MEMO1: variants seen among roughly 807,000 people sequenced by gnomAD.
MEMO1 encodes the protein protein MEMO1.
MEMO1 carries 6 observed loss-of-function variants against 45.2 expected under a neutral mutation model. The ratio of observed to expected loss-of-function variants is 0.13; its 90% CI spans 0.07 to 0.26. The LOEUF is 0.26. Among genes scored for constraint, MEMO1 ranks in the 10% least tolerant of loss-of-function variants. MEMO1 has a pLI of 1.00. For missense variants in MEMO1, 184 were observed against 370.5 expected, an observed-to-expected ratio of 0.50 and a Z score of 4.13; for synonymous variants, 78 against 124.3, an observed-to-expected ratio of 0.63 and a Z score of 2.48.
intron 6 of MEMO1, among the ~76,000 whole-genome samples, chr2:31,908,174 G>A (rs746726287): frequency 6.6e-6 from 1 of 152,150 alleles, no homozygotes; most frequent in Non-Finnish European, 1.5e-5. Flanking sequence ...ATTTGTAAAT[G>A]TCTACCTTTT....
chr2:31,877,942 A>G (rs1674793300), intron 8 of MEMO1, among the ~76,000 whole-genome samples: 1 of 152,196 alleles, frequency 6.6e-6, no homozygotes, highest in African/African-American at 2.4e-5. Flanking sequence ...TATTCTAATC[A>G]CTATTCTAGG....
chr2:31,912,231 G>A (rs901617654), intron 6 of MEMO1, among the ~76,000 whole-genome samples: 13 of 152,136 alleles, frequency 8.5e-5, no homozygotes, highest in African/African-American at 2.9e-4. Flanking sequence ...AGCTACTTGG[G>A]AGGCTGAGGC....
intron 2 of MEMO1, among the ~76,000 whole-genome samples, chr2:31,981,422 C>G (rs1049743693): frequency 9.9e-5 from 15 of 152,200 alleles, no homozygotes; most frequent in African/African-American, 3.6e-4. Context: ...AAAACCTAAA[C>G]AATATATTAT....
At chr2:31,944,445 T>A (rs1665966540) in intron 2 of MEMO1, among the ~76,000 whole-genome samples, 1 of 152,220 alleles carries the variant, frequency 6.6e-6, no homozygotes, top group African/African-American at 2.4e-5. Flanking sequence ...AAGTGCTGCA[T>A]TCTGAGAAAC....
chr2:31,886,388 GC>G (rs1263770760), intron 7 of MEMO1, among the ~76,000 whole-genome samples: 1 of 152,080 alleles, frequency 6.6e-6, no homozygotes. Flanking sequence ...CATCATCATA[GC>G]CTATATGTAT....
chr2:31,923,516 C>T (rs1326931783), intron 4 of MEMO1: 2 of 1,097,960 alleles, frequency 1.8e-6, no homozygotes, highest in African/African-American at 3.3e-5. Context: ...CTCTGGTCAC[C>T]TATCTTAATA....
chr2:31,871,676 C>T lies in MEMO1; in HGVS notation c.658-1724G>A, dbSNP rs541497157. 3.0e-3 allele frequency among the ~76,000 whole-genome samples: 454 copies of T among 152,128 alleles called. 1 individual carries two copies. Among genetic ancestry groups the T allele is most frequent in the African/African-American group, 0.01 (425 of 41,500 alleles). The stretch of plus-strand genomic sequence containing the variant: ...GGACTTCCAGGTCAACACTCTCCAC[C>T]GACACTTGGTATATAAGCTCAGAGA... On this transcript the variant is annotated intron_variant, in intron 8 of 9. Coordinates refer to ENST00000404530, the MANE Select transcript of MEMO1 (RefSeq NM_001301833.4).
intron 2 of MEMO1, among the ~76,000 whole-genome samples, chr2:31,990,955 CT>C (rs967245576): frequency 2.0e-5 from 3 of 151,944 alleles, no homozygotes; most frequent in African/African-American, 7.3e-5. Flanking sequence ...TCATATCTTC[CT>C]CTGAAAAACC....
intron 8 of MEMO1, among the ~76,000 whole-genome samples, chr2:31,874,701 C>T (rs1674304109): frequency 6.6e-6 from 1 of 151,808 alleles, no homozygotes; most frequent in East Asian, 1.9e-4. Flanking sequence ...TATTGGAATT[C>T]AAAATTAACA....
chr2:31,877,157 A>G (rs1674681994), intron 8 of MEMO1, among the ~76,000 whole-genome samples: 1 of 152,226 alleles, frequency 6.6e-6, no homozygotes, highest in South Asian at 2.1e-4. Context: ...ACTGACAGGC[A>G]CTAGGATGGG....
chr2:31,934,488 AAAAG>A (rs1664675950), intron 3 of MEMO1, among the ~76,000 whole-genome samples: 1 of 151,818 alleles, frequency 6.6e-6, no homozygotes, highest in Non-Finnish European at 1.5e-5. Context: ...AAAAAACAAG[AAAAG>A]AAAGAATCAT....
rs1477870289 is a variant in MEMO1 at position 31,982,298 on chromosome 2, A to G, written c.61+27889T>C. Among the ~76,000 whole-genome samples, 130 of 129,580 alleles carry G rather than the reference A, an allele frequency of 1.0e-3. 1 individual carries two copies. The highest frequency in any genetic ancestry group is 0.011 in the Middle Eastern group (2 of 178). The allele number at this position is 129,580 out of a possible 152,430, so 85.0% of individuals were successfully genotyped here. A position where few individuals can be genotyped will look rare whatever the true frequency, so the allele number is the denominator to read the frequency against. ...GTGACAGAGGAAGACTCTGTCTTCGAAAAAAAAAAAAGGCCAGACGCGGTG... is the reference window on the plus strand; with the variant it reads ...GTGACAGAGGAAGACTCTGTCTTCGGAAAAAAAAAAAGGCCAGACGCGGTG... On this transcript the variant is annotated intron_variant, in intron 2 of 9. Transcript: ENST00000404530.
At chr2:31,896,151 A>T (rs1165834061) in intron 6 of MEMO1, among the ~76,000 whole-genome samples, 1 of 152,108 alleles carries the variant, frequency 6.6e-6, no homozygotes, top group Admixed American at 6.6e-5. Flanking sequence ...CAAGAAAAAA[A>T]TCGTGAAAGC....
At chr2:31,905,625 C>T (rs1222177700) in intron 6 of MEMO1, among the ~76,000 whole-genome samples, 6 of 152,194 alleles carry the variant, frequency 3.9e-5, no homozygotes. Context: ...TTTTTAAAAA[C>T]AAGTCAACAT....
At chr2:31,953,497 C>A (rs1228264784) in intron 2 of MEMO1, among the ~76,000 whole-genome samples, 12 of 151,246 alleles carry the variant, frequency 7.9e-5, no homozygotes, top group Admixed American at 7.9e-4. Context: ...GCTCTGTCAC[C>A]CAGGCTGGAG....
intron 8 of MEMO1, among the ~76,000 whole-genome samples, chr2:31,874,125 C>T (rs1406046160): frequency 6.6e-6 from 1 of 152,036 alleles, no homozygotes; most frequent in African/African-American, 2.4e-5. Context: ...TCAGATTATC[C>T]TTGCCGAATC....
intron 2 of MEMO1, among the ~76,000 whole-genome samples, chr2:31,944,760 G>T: frequency 6.6e-6 from 1 of 151,590 alleles, no homozygotes; most frequent in African/African-American, 2.4e-5. Flanking sequence ...CCATTTCTTT[G>T]GTCCCCTTTA....
At chr2:31,983,831 G>A (rs184170694) in intron 2 of MEMO1, among the ~76,000 whole-genome samples, 3 of 152,322 alleles carry the variant, frequency 2.0e-5, no homozygotes, top group Non-Finnish European at 2.9e-5. Flanking sequence ...AATATAAGAT[G>A]AGCTTGAAGC....
At chr2:31,957,712 A>G (rs536806838) in intron 2 of MEMO1, among the ~76,000 whole-genome samples, 6 of 152,246 alleles carry the variant, frequency 3.9e-5, no homozygotes, top group African/African-American at 1.2e-4. Flanking sequence ...TTTCTTCATA[A>G]TTCTTCTCTA....
Sources: gnomAD v4.1 joint callset for allele counts (sites outside exome capture counted in the v4.1 genomes callset) on GRCh38, gnomAD v4.1.1 for gene constraint, MANE v1.5 for transcripts, NCBI Gene and HGNC (gene_info 2026-07-23, HGNC 2026-07-21) for gene names.